The following SNRPD3 variants were observed in gnomAD, a reference collection of about 807,000 sequenced individuals.
The protein encoded by SNRPD3 is small nuclear ribonucleoprotein Sm D3.
For missense variants in SNRPD3, 73 were observed against 167.5 expected, an observed-to-expected ratio of 0.44 and a Z score of 3.11; for synonymous variants, 66 against 58.4, an observed-to-expected ratio of 1.13 and a Z score of -0.59.
At chr22:24,560,119 C>T (rs199794248) in intron 2 of SNRPD3, among the ~76,000 whole-genome samples, 2 of 100,216 alleles carry the variant, frequency 2.0e-5, no homozygotes, top group Admixed American at 1.2e-4. Context: ...TGAGATGGAG[C>T]CTTGCTCTGT....
At position 24,557,740 on chromosome 22, in the gene SNRPD3, G is replaced by C. The variant is rs114095246; in HGVS notation, c.66G>C (p.Thr22=). 1 of 1,612,300 alleles carries C rather than the reference G, an allele frequency of 6.2e-7. No homozygotes were observed. The change falls in exon 2 of 4, where the codon ACG becomes ACC. Residue 22 remains threonine (T), a synonymous_variant. Transcript: ENST00000215829. ...AGGGCCACATTGTGACATGTGAGACGAACACCGGTGAGGTATATCGGGGGA... is the reference window on the plus strand; with the variant it reads ...AGGGCCACATTGTGACATGTGAGACCAACACCGGTGAGGTATATCGGGGGA... The part of the protein sequence containing the change: ...EAEGHIVTCE[T]NTGEVYRGKL...
intron 1 of SNRPD3, among the ~76,000 whole-genome samples, chr22:24,556,437 C>T (rs2045067267): frequency 6.7e-6 from 1 of 150,338 alleles, no homozygotes; most frequent in Non-Finnish European, 1.5e-5. Flanking sequence ...TCTCGAACTC[C>T]TGGGCTCAAG....
At chr22:24,560,100 T>TTTTTTA in intron 2 of SNRPD3, among the ~76,000 whole-genome samples, 1 of 151,256 alleles carries the variant, frequency 6.6e-6, no homozygotes, top group Non-Finnish European at 1.5e-5. Context: ...ATTTTTTTTT[T>TTTTTTA]TTTTTTTTTG....
Position 24,568,122 on chromosome 22 carries a change from A to G in SNRPD3, c.265A>G (p.Lys89Glu). The change falls in exon 3 of 4, where the codon AAA becomes GAA. Residue 89 changes from lysine (K) to glutamate (E), a missense_variant. Lys to Glu is a moderately conservative substitution (Grantham distance 56). Transcript: ENST00000215829. ...NAPMLKSMKN[K>E]NQGSGAGRGK... Reference sequence around the variant, plus strand: ...ACCCATGTTAAAGAGCATGAAAAATAAAAACCAAGGCTCAGGGGCTGGCCG... The same window carrying G: ...ACCCATGTTAAAGAGCATGAAAAATGAAAACCAAGGCTCAGGGGCTGGCCG... The G allele has an allele frequency of 6.2e-7, 1 of 1,614,106 alleles. No individual in the cohort carries two copies. The highest frequency in any genetic ancestry group is 2.2e-5 in the East Asian group (1 of 44,884).
intron 3 of SNRPD3, among the ~76,000 whole-genome samples, chr22:24,571,637 A>G (rs1277338427): frequency 1.3e-5 from 2 of 151,902 alleles, no homozygotes; most frequent in Non-Finnish European, 2.9e-5. Context: ...CTACTCAAGT[A>G]GGAGGCTGAG....
chr22:24,570,690 A>G (rs2045241408), intron 3 of SNRPD3, among the ~76,000 whole-genome samples: 1 of 152,170 alleles, frequency 6.6e-6, no homozygotes, highest in Non-Finnish European at 1.5e-5. Context: ...CTCAAAAAAA[A>G]AGAATATTTT....
At chr22:24,571,564 C>A (rs932866741) in intron 3 of SNRPD3, among the ~76,000 whole-genome samples, 1 of 152,042 alleles carries the variant, frequency 6.6e-6, no homozygotes, top group East Asian at 1.9e-4. Context: ...CATGGTGAAA[C>A]CCTGTCTCTA....
chr22:24,563,111 T>G (rs971290246), intron 2 of SNRPD3, among the ~76,000 whole-genome samples: 2 of 152,106 alleles, frequency 1.3e-5, no homozygotes, highest in Non-Finnish European at 2.9e-5. Flanking sequence ...CTCATGCCTG[T>G]AATCCCAGCA....
At chr22:24,562,049 G>A (rs4822507) in intron 2 of SNRPD3, among the ~76,000 whole-genome samples, 141,877 of 152,176 alleles carry the variant, frequency 0.93, 66,577 homozygotes, top group Non-Finnish European at 0.99. Context: ...ATAAATAGAG[G>A]ATCTCACTCT....
chr22:24,555,751 C>G, upstream of SNRPD3: 1 of 1,550,610 alleles, frequency 6.4e-7, no homozygotes, highest in Admixed American at 2.0e-5. Context: ...GTGTGGGGTG[C>G]TTGGAAGTGT....
chr22:24,560,039 A>G (rs1302047503), intron 2 of SNRPD3, among the ~76,000 whole-genome samples: 1 of 148,982 alleles, frequency 6.7e-6, no homozygotes, highest in African/African-American at 2.5e-5. Flanking sequence ...TGCATGTAGG[A>G]TTAGGGCCCA....
chr22:24,555,705 C>A (rs1351480424), upstream of SNRPD3: 130 of 1,550,576 alleles, frequency 8.4e-5, no homozygotes, highest in Non-Finnish European at 1.0e-4. Context: ...AGGGCCCAAG[C>A]CCCGCGTCTC....
chr22:24,569,975 A>G (rs2045234600), intron 3 of SNRPD3, among the ~76,000 whole-genome samples: 1 of 152,216 alleles, frequency 6.6e-6, no homozygotes, highest in African/African-American at 2.4e-5. Flanking sequence ...AAGCTCCCCT[A>G]ACCCTGCCCT....
intron 3 of SNRPD3, among the ~76,000 whole-genome samples, chr22:24,570,065 T>C (rs2045235321): frequency 6.6e-6 from 1 of 152,170 alleles, no homozygotes; most frequent in Admixed American, 6.5e-5. Flanking sequence ...TTAGACAAAA[T>C]GGGTGTGATC....
chr22:24,572,982 G>T lies in SNRPD3; in HGVS notation c.*1005G>T, dbSNP rs569419655. Among the ~76,000 whole-genome samples the T allele has an allele frequency of 1.1e-4, 16 of 152,154 alleles. No homozygotes were observed. The highest frequency in any genetic ancestry group is 1.8e-4 in the Non-Finnish European group (12 of 68,026). On this transcript the variant is annotated 3_prime_UTR_variant, in exon 4 of 4. Coordinates refer to ENST00000215829, the MANE Select transcript of SNRPD3 (RefSeq NM_004175.5). ...AGCACTCTGGGAGGCTGAGGTAGAG[G>T]ATTGTTTGAGAGGAGTTCAAAACCA...
At chr22:24,563,588 A>G (rs1273672765) in intron 2 of SNRPD3, among the ~76,000 whole-genome samples, 3 of 152,216 alleles carry the variant, frequency 2.0e-5, no homozygotes, top group Non-Finnish European at 4.4e-5. Flanking sequence ...TTTTATAAAA[A>G]TGGACCCAAA....
At chr22:24,559,348 A>G (rs147500935) in intron 2 of SNRPD3, among the ~76,000 whole-genome samples, 3 of 152,202 alleles carry the variant, frequency 2.0e-5, no homozygotes, top group Non-Finnish European at 4.4e-5. Flanking sequence ...ATCATCTCTC[A>G]TATATCCAGT....
rs1491542810 is a variant in SNRPD3, at chr22:24,563,202, A to ATGTGTGTG, written c.127-4781_127-4780insGTGTGTGT. Among the ~76,000 whole-genome samples, 237 of 138,872 alleles carry ATGTGTGTG rather than the reference A, an allele frequency of 1.7e-3. 2 individuals carry two copies. The highest frequency in any genetic ancestry group is 5.7e-3 in the African/African-American group (206 of 35,834). The allele number at this position is 138,872 out of a possible 152,430, so 91.1% of individuals were successfully genotyped here. A position where few individuals can be genotyped will look rare whatever the true frequency, so the allele number is the denominator to read the frequency against. On this transcript the variant is annotated intron_variant, in intron 2 of 3. Transcript: ENST00000215829. ...GGGCAACACAGTGAGACCCTGTCTC[A>ATGTGTGTG]TATATGTGTGTGTGTGTGTGTGTGT... is the stretch of plus-strand genomic sequence containing the variant.
chr22:24,574,649 C>A lies in SNRPD3; in HGVS notation c.*2672C>A, dbSNP rs2045275143. Among the ~76,000 whole-genome samples the A allele has an allele frequency of 6.6e-6, 1 of 152,200 alleles. No individual in the cohort carries two copies. The highest frequency in any genetic ancestry group is 1.5e-5 in the Non-Finnish European group (1 of 68,040). ...TCAACCTTCTCGGGCTCAGGTGATT[C>A]TCCCACCTCAGCCTCCTGAGTAGCT... is the stretch of plus-strand genomic sequence containing the variant. On this transcript the variant is annotated 3_prime_UTR_variant, in exon 4 of 4. Coordinates refer to ENST00000215829, the MANE Select transcript of SNRPD3 (RefSeq NM_004175.5).
Sources: allele counts gnomAD v4.1 joint callset (sites outside exome capture counted in the v4.1 genomes callset), GRCh38; gene constraint gnomAD v4.1.1; transcripts MANE v1.5; gene names NCBI Gene and HGNC (gene_info 2026-07-23, HGNC 2026-07-21).